The following MEIS2 variants were observed in gnomAD, a reference collection of about 807,000 sequenced individuals.
The protein encoded by MEIS2 is Meis homeobox 2.
A neutral mutation model predicts 58.6 loss-of-function variants in MEIS2; 9 were observed. The ratio of observed to expected loss-of-function variants is 0.15; its 90% CI spans 0.09 to 0.27. MEIS2 has a LOEUF of 0.27. Among genes scored for constraint, MEIS2 ranks in the 10% least tolerant of loss-of-function variants. MEIS2 has a pLI of 1.00. For missense variants in MEIS2, 427 were observed against 635.0 expected, an observed-to-expected ratio of 0.67 and a Z score of 3.52; for synonymous variants, 221 against 228.4, an observed-to-expected ratio of 0.97 and a Z score of 0.29.
At chr15:37,080,494 T>C (rs577249981) in intron 7 of MEIS2, among the ~76,000 whole-genome samples, 116 of 152,296 alleles carry the variant, frequency 7.6e-4, no homozygotes, top group Non-Finnish European at 1.3e-3. Flanking sequence ...CTCAAAGTGC[T>C]CTAGGAACAA....
chr15:37,039,482 A>C (rs2062321225), intron 7 of MEIS2, among the ~76,000 whole-genome samples: 1 of 152,206 alleles, frequency 6.6e-6, no homozygotes, highest in Admixed American at 6.5e-5. Flanking sequence ...AGGAAGTTCA[A>C]TGAAAAAAGT....
chr15:36,903,291 G>A lies in MEIS2; in HGVS notation c.978-6605C>T, dbSNP rs192754704. ...GCTATTTATCATGCACTATAAAAGT[G>A]ATCTTTCAAAGCTATTTGAAAGCAA... On this transcript the variant is annotated intron_variant, in intron 9 of 11. Coordinates refer to ENST00000561208, the MANE Select transcript of MEIS2 (RefSeq NM_170675.5). Among the ~76,000 whole-genome samples the A allele has an allele frequency of 7.9e-5, 12 of 152,232 alleles. No individual in the cohort carries two copies. The East Asian group carries it at 2.3e-3, about 29-fold the overall frequency.
intron 7 of MEIS2, among the ~76,000 whole-genome samples, chr15:37,074,057 G>T (rs1891051462): frequency 6.6e-6 from 1 of 151,964 alleles, no homozygotes; most frequent in African/African-American, 2.4e-5. Flanking sequence ...TCAGGAGTGG[G>T]TAGAATCTCA....
At chr15:36,912,379 G>A (rs1414843325) in intron 9 of MEIS2, among the ~76,000 whole-genome samples, 1 of 152,174 alleles carries the variant, frequency 6.6e-6, no homozygotes, top group East Asian at 1.9e-4. Flanking sequence ...ATGGAATGCT[G>A]CAGCTTAGAG....
chr15:36,997,097 T>C (rs1012153647), intron 8 of MEIS2, among the ~76,000 whole-genome samples: 1 of 152,310 alleles, frequency 6.6e-6, no homozygotes, highest in African/African-American at 2.4e-5. Flanking sequence ...TCGGGAAATA[T>C]AGGTTCTATT....
At chr15:37,069,325 T>C (rs1025801375) in intron 7 of MEIS2, among the ~76,000 whole-genome samples, 1 of 152,228 alleles carries the variant, frequency 6.6e-6, no homozygotes, top group Non-Finnish European at 1.5e-5. Context: ...TCTATGTTCC[T>C]ATGTATAAAA....
intron 8 of MEIS2, among the ~76,000 whole-genome samples, chr15:37,024,713 G>C (rs892666961): frequency 6.6e-6 from 1 of 152,220 alleles, no homozygotes; most frequent in African/African-American, 2.4e-5. Context: ...AGACAATTCT[G>C]TCTAGTACCA....
rs2055797660 is a variant in MEIS2, at chr15:36,890,258, A to T, written c.*1915T>A. The stretch of plus-strand genomic sequence containing the variant: ...GTATATTTATTTGAAAATTGAGGGG[A>T]CATGCCTCACCCTTTTTGCACACTT... On this transcript the variant is annotated 3_prime_UTR_variant, in exon 12 of 12. Coordinates refer to ENST00000561208, the MANE Select transcript of MEIS2 (RefSeq NM_170675.5). The T allele has an allele frequency of 6.6e-6, 1 of 152,196 alleles. No individual in the cohort carries two copies. Among genetic ancestry groups the T allele is most frequent in the African/African-American group, 2.4e-5 (1 of 41,446 alleles). 9.4% of individuals were successfully genotyped at this position (152,196 alleles called of 1,614,324 possible). A position where few individuals can be genotyped will look rare whatever the true frequency, so the allele number is the denominator to read the frequency against.
At chr15:37,093,495 A>T in intron 6 of MEIS2, 86 bp downstream of exon 6, 1 of 1,478,254 alleles carries the variant, frequency 6.8e-7, no homozygotes, top group Non-Finnish European at 9.1e-7. Context: ...AAGAAAACTA[A>T]ATCAGTGGAG....
intron 8 of MEIS2, among the ~76,000 whole-genome samples, chr15:36,977,946 C>T (rs576570980): frequency 6.6e-6 from 1 of 152,270 alleles, no homozygotes; most frequent in South Asian, 2.1e-4. Flanking sequence ...AAATACCCTG[C>T]TTAGGATCTA....
intron 4 of MEIS2, 148 bp downstream of exon 4, chr15:37,095,416 G>T: frequency 2.5e-6 from 3 of 1,198,594 alleles, no homozygotes; most frequent in African/African-American, 3.1e-5. Context: ...CCCGTGCGGG[G>T]GCTCTAAGCT....
chr15:37,008,184 T>C (rs2060991177), intron 8 of MEIS2, among the ~76,000 whole-genome samples: 1 of 152,242 alleles, frequency 6.6e-6, no homozygotes, highest in Non-Finnish European at 1.5e-5. Context: ...CTACAGATTA[T>C]CTAGCTGGCT....
At chr15:36,971,537 TAAAAAAAAAAAAA>T (rs71126247) in intron 8 of MEIS2, among the ~76,000 whole-genome samples, 1 of 67,086 alleles carries the variant, frequency 1.5e-5, no homozygotes, top group African/African-American at 7.1e-5. Flanking sequence ...CTTGTTACAT[TAAAAAAAAAAAAA>T]AAAAAAAAAA....
intron 8 of MEIS2, among the ~76,000 whole-genome samples, chr15:36,997,665 T>C (rs2060572842): frequency 6.6e-6 from 1 of 152,018 alleles, no homozygotes; most frequent in Admixed American, 6.6e-5. Flanking sequence ...GTATTTTTAC[T>C]AAAGACGGGG....
chr15:36,928,245 A>G (rs2057826309), intron 9 of MEIS2, among the ~76,000 whole-genome samples: 1 of 152,176 alleles, frequency 6.6e-6, no homozygotes, highest in African/African-American at 2.4e-5. Context: ...TTAATCTCCT[A>G]CCATATGCAG....
At chr15:37,074,160 G>A (rs1477485099) in intron 7 of MEIS2, among the ~76,000 whole-genome samples, 19 of 151,872 alleles carry the variant, frequency 1.3e-4, no homozygotes, top group Admixed American at 1.2e-3. Flanking sequence ...GGATGGAGAC[G>A]TTGCTCTGTG....
intron 8 of MEIS2, among the ~76,000 whole-genome samples, chr15:37,025,622 C>A (rs1311413045): frequency 2.0e-5 from 3 of 151,696 alleles, no homozygotes; most frequent in Non-Finnish European, 4.4e-5. Context: ...TTAAGCATAC[C>A]TCTTTTTATG....
chr15:37,079,102 A>G lies in MEIS2; in HGVS notation c.754+4669T>C, dbSNP rs191154071. Among the ~76,000 whole-genome samples the G allele has an allele frequency of 1.7e-3, 256 of 152,252 alleles. 2 individuals carry two copies. The highest frequency in any genetic ancestry group is 5.2e-3 in the Admixed American group (79 of 15,282). On this transcript the variant is annotated intron_variant, in intron 7 of 11. Transcript: ENST00000561208. ...TTTGGATGTTTGCTGATGGTTAAAG[A>G]ATGGCATTATTTTAAATTTTATTTG...
chr15:36,907,648 C>T (rs909548722), intron 9 of MEIS2, among the ~76,000 whole-genome samples: 1 of 152,154 alleles, frequency 6.6e-6, no homozygotes, highest in African/African-American at 2.4e-5. Context: ...TTTATCAATA[C>T]CACCGCTTTC....
Sources: allele counts gnomAD v4.1 joint callset (sites outside exome capture counted in the v4.1 genomes callset), GRCh38; gene constraint gnomAD v4.1.1; transcripts MANE v1.5; gene names NCBI Gene and HGNC (gene_info 2026-07-23, HGNC 2026-07-21).